FAM107B: variants seen among roughly 807,000 people sequenced by gnomAD.
FAM107B encodes the protein family with sequence similarity 107 member B.
Under a neutral mutation model 31.5 loss-of-function variants are expected in FAM107B, and 21 were observed. The observed-to-expected ratio is 0.67, with a 90% CI of 0.47 to 0.96. The LOEUF is 0.96. Ranked by LOEUF, FAM107B falls within the 40% of genes least tolerant of loss-of-function variation. The pLI, the probability that FAM107B is intolerant of heterozygous loss-of-function variation, is 0.00. For missense variants in FAM107B, 452 were observed against 377.1 expected (o/e 1.20, Z -1.64); for synonymous variants, 157 against 141.5 (o/e 1.11, Z -0.78).
rs1176653511 is a variant in FAM107B at position 14,553,539 on chromosome 10, G to C, written c.470-23024C>G. ...TAAGAAGGAAGTTCTCTGGTCCCTG[G>C]TACCAGGAACCAGTCAAGGGCCATT... is the stretch of plus-strand genomic sequence containing the variant. On this transcript the variant is annotated intron_variant, in intron 2 of 4. Transcript: ENST00000181796. 3.0e-5 allele frequency: 11 copies of C among 364,344 alleles called. 1 individual carries two copies. In the Admixed American group the frequency reaches 4.5e-4, roughly 15 times the overall value. The allele number at this position is 364,344 out of a possible 1,614,324, so 22.6% of individuals were successfully genotyped here. A position where few individuals can be genotyped will look rare whatever the true frequency, so the allele number is the denominator to read the frequency against.
chr10:14,619,302 G>A (rs1298018319), intron 2 of FAM107B, among the ~76,000 whole-genome samples: 12 of 152,132 alleles, frequency 7.9e-5, no homozygotes, highest in Non-Finnish European at 1.3e-4. Flanking sequence ...CCATATTGAC[G>A]TTCCCACCAG....
At chr10:14,565,751 G>A (rs1850610467) in intron 2 of FAM107B, among the ~76,000 whole-genome samples, 1 of 152,160 alleles carries the variant, frequency 6.6e-6, no homozygotes, top group African/African-American at 2.4e-5. Flanking sequence ...CAAATACAAA[G>A]GGGTGGGGAG....
intron 1 of FAM107B, among the ~76,000 whole-genome samples, chr10:14,687,517 G>A (rs1855018737): frequency 1.3e-5 from 2 of 151,856 alleles, no homozygotes; most frequent in African/African-American, 4.8e-5. Context: ...CTGTCACCTT[G>A]TACACAGTGA....
chr10:14,530,489 T>C lies in FAM107B; in HGVS notation c.496A>G (p.Lys166Glu). Residue 166 changes from lysine to glutamate, a missense_variant, in exon 3 of 5, where the codon AAG becomes GAG. Lys to Glu is a moderately conservative substitution (Grantham distance 56). Transcript: ENST00000181796. Reference sequence around the variant, plus strand: ...CTTCTTGTAATGAGATATGAGTCCTTATGGTCAATATCCTCAGGTGGGCTG... The same window carrying C: ...CTTCTTGTAATGAGATATGAGTCCTCATGGTCAATATCCTCAGGTGGGCTG... ...SDSPPEDIDH[K>E]DSYLITRSIM... 6.2e-7 allele frequency: 1 copy of C among 1,613,298 alleles called. No individual in the cohort carries two copies. The highest frequency in any genetic ancestry group is 1.7e-5 in the Admixed American group (1 of 59,862).
chr10:14,744,259 G>A (rs914683655), intron 1 of FAM107B, among the ~76,000 whole-genome samples: 4 of 152,168 alleles, frequency 2.6e-5, no homozygotes, highest in Admixed American at 2.6e-4. Flanking sequence ...TGGAGACAAT[G>A]GGGTTTTTTA....
chr10:14,774,337 G>A lies in FAM107B; in HGVS notation c.327C>T (p.Pro109=), dbSNP rs1833371887. Residue 109 remains proline, a synonymous_variant, in exon 1 of 5, where the codon CCC becomes CCT. Coordinates refer to ENST00000181796, the MANE Select transcript of FAM107B (RefSeq NM_031453.4). ...AGTCCGCCCCATCATCCAGGGACCC[G>A]GGCACATCTTCAGGCGTCTCCGCGG... is the stretch of plus-strand genomic sequence containing the variant. The part of the protein sequence containing the change: ...AQPAETPEDV[P]GSLDDGADCE... 4 of 1,614,218 alleles carry A rather than the reference G, an allele frequency of 2.5e-6. No individual in the cohort carries two copies. Among genetic ancestry groups the A allele is most frequent in the Non-Finnish European group, 3.4e-6 (4 of 1,180,040 alleles).
rs1845469019 is a variant in FAM107B, at chr10:14,519,900, A to T, written c.*1290T>A. On this transcript the variant is annotated 3_prime_UTR_variant, in exon 5 of 5. Transcript: ENST00000181796. The stretch of plus-strand genomic sequence containing the variant: ...ATGCCCACACTAGCAGTTTAAAACT[A>T]ATTTTGCATGAGAATGCGGCTGCTG... 6.6e-6 allele frequency: 1 copy of T among 152,610 alleles called. No homozygotes were observed. The highest frequency in any genetic ancestry group is 2.4e-5 in the African/African-American group (1 of 41,454). 9.5% of individuals were successfully genotyped at this position (152,610 alleles called of 1,614,324 possible).
At chr10:14,687,052 T>C (rs907710543) in intron 1 of FAM107B, among the ~76,000 whole-genome samples, 2 of 152,270 alleles carry the variant, frequency 1.3e-5, no homozygotes, top group Non-Finnish European at 2.9e-5. Context: ...TCAGAGATGC[T>C]GAACGATTTC....
chr10:14,685,918 T>G (rs1042436756), intron 1 of FAM107B, among the ~76,000 whole-genome samples: 2 of 152,134 alleles, frequency 1.3e-5, no homozygotes, highest in African/African-American at 4.8e-5. Context: ...AGACAAGCCT[T>G]GTCTTACGTG....
chr10:14,552,906 A>G (rs1391591868), intron 2 of FAM107B, among the ~76,000 whole-genome samples: 1 of 152,160 alleles, frequency 6.6e-6, no homozygotes, highest in Non-Finnish European at 1.5e-5. Context: ...CAGACTGCCT[A>G]GCAGCTTGGA....
intron 2 of FAM107B, chr10:14,556,275 C>G (rs969006670): frequency 2.3e-6 from 2 of 876,912 alleles, no homozygotes; most frequent in Non-Finnish European, 2.7e-6. Flanking sequence ...GACTGGAAGG[C>G]CAGTAATTTG....
At chr10:14,726,525 A>G (rs1245190620) in intron 1 of FAM107B, among the ~76,000 whole-genome samples, 1 of 152,194 alleles carries the variant, frequency 6.6e-6, no homozygotes, top group Non-Finnish European at 1.5e-5. Context: ...CAGGTTCCCC[A>G]AGGCTAAATT....
chr10:14,629,493 T>A (rs570270541), intron 2 of FAM107B, among the ~76,000 whole-genome samples: 33 of 105,100 alleles, frequency 3.1e-4, no homozygotes, highest in African/African-American at 6.9e-4. Flanking sequence ...ACATATATAA[T>A]ATATATATAT....
chr10:14,603,299 G>C (rs998675611), intron 2 of FAM107B, among the ~76,000 whole-genome samples: 4 of 152,132 alleles, frequency 2.6e-5, no homozygotes, highest in African/African-American at 9.7e-5. Flanking sequence ...GGCTGGAGGA[G>C]AAAACCGATG....
rs75274498 is a variant in FAM107B, at chr10:14,728,723, T to C, written c.411+45530A>G. On this transcript the variant is annotated intron_variant, in intron 1 of 4. Coordinates refer to ENST00000181796, the MANE Select transcript of FAM107B (RefSeq NM_031453.4). ...GTCCAGCCATCAGCAAAACACTACA[T>C]ACATTGACCTCCAGCCACCTCTGAA... 7.1e-3 allele frequency among the ~76,000 whole-genome samples: 1,080 copies of C among 152,310 alleles called. 51 individuals carry two copies. In the East Asian group the frequency reaches 0.13, roughly 19 times the overall value.
chr10:14,594,889 T>C (rs1345858033), intron 2 of FAM107B, among the ~76,000 whole-genome samples: 1 of 152,186 alleles, frequency 6.6e-6, no homozygotes, highest in Middle Eastern at 3.2e-3. Flanking sequence ...GTGGACCTTT[T>C]TCTCATCAGC....
intron 2 of FAM107B, among the ~76,000 whole-genome samples, chr10:14,628,121 T>TGTTTTTTTTTTTTTTTTTC (rs1554841911): frequency 8.2e-6 from 1 of 121,808 alleles, no homozygotes; most frequent in Non-Finnish European, 1.6e-5. Context: ...GGTTTTTTTT[T>TGTTTTTTTTTTTTTTTTTC]TTTTTTTTTT....
In FAM107B at chr10:14,724,649, C is replaced by T. The variant is rs137933627; in HGVS notation, c.411+49604G>A. Among the ~76,000 whole-genome samples the T allele has an allele frequency of 3.4e-3, 524 of 151,968 alleles. 12 individuals carry two copies. The East Asian group carries it at 0.046, about 13-fold the overall frequency. Reference sequence around the variant, plus strand: ...TTTTTATTTTCAGGAGGAGAGCGTTCCCTAGGATGAGAAGCTTAGACCAGA... The same window carrying T: ...TTTTTATTTTCAGGAGGAGAGCGTTTCCTAGGATGAGAAGCTTAGACCAGA... On this transcript the variant is annotated intron_variant, in intron 1 of 4. Coordinates refer to ENST00000181796, the MANE Select transcript of FAM107B (RefSeq NM_031453.4).
chr10:14,527,184 C>CAAA (rs200742738), intron 3 of FAM107B, among the ~76,000 whole-genome samples: 2 of 124,410 alleles, frequency 1.6e-5, no homozygotes, highest in South Asian at 2.6e-4. Flanking sequence ...ATCTTTTAAC[C>CAAA]AAAAAAAAAA....
Sources: allele counts gnomAD v4.1 joint callset (sites outside exome capture counted in the v4.1 genomes callset), GRCh38; gene constraint gnomAD v4.1.1; transcripts MANE v1.5; gene names NCBI Gene and HGNC (gene_info 2026-07-23, HGNC 2026-07-21).